The following EYS variants were observed in gnomAD, a reference collection of about 807,000 sequenced individuals.
The protein encoded by EYS is EGF-like photoreceptor maintenance factor.
EYS carries 250 observed loss-of-function variants against 282.1 expected under a neutral mutation model. The ratio of observed to expected loss-of-function variants is 0.89; its 90% confidence interval spans 0.80 to 0.98. The LOEUF is 0.98. Ranked by LOEUF, EYS falls within the 50% of genes least tolerant of loss-of-function variation. EYS has a pLI of 0.00. For missense variants in EYS, 4,016 were observed against 3,709.0 expected (o/e 1.08, Z -2.15); for synonymous variants, 1,355 against 1,282.9 (o/e 1.06, Z -1.20).
At chr6:64,059,852 T>C (rs1234813443) in intron 33 of EYS, among the ~76,000 whole-genome samples, 2 of 152,186 alleles carry the variant, frequency 1.3e-5, no homozygotes, top group African/African-American at 4.8e-5. Flanking sequence ...TTTAGCTTTA[T>C]ATATTTACAC....
chr6:63,975,406 T>G (rs766576131), intron 35 of EYS, among the ~76,000 whole-genome samples: 4 of 151,964 alleles, frequency 2.6e-5, no homozygotes, highest in Non-Finnish European at 5.9e-5. Context: ...ATCAGACAGA[T>G]TTAGATCAAA....
At chr6:65,467,625 T>A (rs1200326887) in intron 5 of EYS, among the ~76,000 whole-genome samples, 1 of 152,058 alleles carries the variant, frequency 6.6e-6, no homozygotes, top group East Asian at 1.9e-4. Context: ...TTTATGAGAT[T>A]TCATGAATTA....
At chr6:63,897,960 A>G (rs188998055) in intron 35 of EYS, among the ~76,000 whole-genome samples, 50 of 152,328 alleles carry the variant, frequency 3.3e-4, no homozygotes, top group African/African-American at 1.1e-3. Context: ...AGAGACATTA[A>G]TAAGATTATC....
intron 35 of EYS, among the ~76,000 whole-genome samples, chr6:63,948,597 T>G (rs1440182519): frequency 6.9e-6 from 1 of 145,406 alleles, no homozygotes; most frequent in East Asian, 2.0e-4. Context: ...CTCTCCCTGA[T>G]TTCCTTTCTC....
At chr6:64,395,491 A>G (rs1279129807) in intron 28 of EYS, among the ~76,000 whole-genome samples, 1 of 152,130 alleles carries the variant, frequency 6.6e-6, no homozygotes, top group Admixed American at 6.5e-5. Context: ...AGGGACATGG[A>G]TGAAATTGGA....
At chr6:65,682,578 G>A (rs1036079433) in intron 1 of EYS, among the ~76,000 whole-genome samples, 1 of 151,744 alleles carries the variant, frequency 6.6e-6, no homozygotes, top group African/African-American at 2.4e-5. Flanking sequence ...ATTTAATACA[G>A]TGTTCAACAA....
intron 29 of EYS, among the ~76,000 whole-genome samples, chr6:64,310,102 T>A (rs1176713899): frequency 1.4e-5 from 2 of 147,650 alleles, no homozygotes; most frequent in African/African-American, 5.1e-5. Context: ...GGCAAGATTG[T>A]GGAGAAAAAG....
chr6:65,475,982 A>G (rs547401100), intron 5 of EYS, among the ~76,000 whole-genome samples: 1 of 152,266 alleles, frequency 6.6e-6, no homozygotes, highest in African/African-American at 2.4e-5. Flanking sequence ...GATATTCTTC[A>G]TTATACAAGT....
chr6:65,128,732 G>A (rs2150201025), intron 12 of EYS, among the ~76,000 whole-genome samples: 1 of 152,034 alleles, frequency 6.6e-6, no homozygotes, highest in East Asian at 1.9e-4. Flanking sequence ...TAAGATGGCT[G>A]AACTGCCCAA....
chr6:64,609,099 C>CA (rs1380671640), intron 24 of EYS, among the ~76,000 whole-genome samples: 1 of 152,066 alleles, frequency 6.6e-6, no homozygotes, highest in Non-Finnish European at 1.5e-5. Flanking sequence ...ACAAATGTAC[C>CA]ACTCTGTCAT....
At chr6:63,812,903 T>G (rs1025302067) in intron 36 of EYS, among the ~76,000 whole-genome samples, 1 of 152,192 alleles carries the variant, frequency 6.6e-6, no homozygotes, top group Admixed American at 6.5e-5. Flanking sequence ...TCTTCTAGTG[T>G]GGGTAAAAAT....
intron 24 of EYS, among the ~76,000 whole-genome samples, chr6:64,606,251 CT>C (rs1766933860): frequency 6.6e-6 from 1 of 151,938 alleles, no homozygotes; most frequent in Admixed American, 6.6e-5. Flanking sequence ...ATTCACACTC[CT>C]TGAAAGTAAC....
intron 26 of EYS, among the ~76,000 whole-genome samples, chr6:64,450,805 G>C (rs565072654): frequency 1.3e-5 from 2 of 152,008 alleles, no homozygotes; most frequent in Admixed American, 6.6e-5. Context: ...TTCTTTGAAA[G>C]CAACGAGAAC....
chr6:65,533,904 T>C (rs969800558), intron 2 of EYS, among the ~76,000 whole-genome samples: 1 of 152,102 alleles, frequency 6.6e-6, no homozygotes, highest in African/African-American at 2.4e-5. Flanking sequence ...ATTGCCTTTG[T>C]CCGAGGTAGA....
At chr6:65,608,331 G>A (rs574362005) in intron 2 of EYS, among the ~76,000 whole-genome samples, 1 of 152,032 alleles carries the variant, frequency 6.6e-6, no homozygotes, top group East Asian at 1.9e-4. Flanking sequence ...CAGTTTAAAA[G>A]ACTTAAAATG....
intron 19 of EYS, among the ~76,000 whole-genome samples, chr6:64,871,723 C>T (rs867710044): frequency 1.1e-4 from 17 of 152,000 alleles, no homozygotes; most frequent in African/African-American, 3.9e-4. Context: ...AAACTCTGTA[C>T]AAATTTTGCA....
intron 22 of EYS, among the ~76,000 whole-genome samples, chr6:64,808,061 T>TTCCCTTTCTTTCCCTTCCCTTCC (rs1764490344): frequency 6.8e-6 from 1 of 147,740 alleles, no homozygotes; most frequent in Non-Finnish European, 1.5e-5. Flanking sequence ...TCTTCCCTTC[T>TTCCCTTTCTTTCCCTTCCCTTCC]TCCCTTTCTT....
At chr6:64,453,581 A>C (rs1232149599) in intron 26 of EYS, among the ~76,000 whole-genome samples, 1 of 152,204 alleles carries the variant, frequency 6.6e-6, no homozygotes, top group Non-Finnish European at 1.5e-5. Flanking sequence ...GGCACTATTC[A>C]CAATAGCAAA....
chr6:64,133,410 A>G (rs1486770248), intron 31 of EYS, among the ~76,000 whole-genome samples: 1 of 151,662 alleles, frequency 6.6e-6, no homozygotes, highest in African/African-American at 2.4e-5. Flanking sequence ...TTTTTGTTAC[A>G]CTAAGCTTGG....
Sources: gnomAD v4.1 joint callset for allele counts (sites outside exome capture counted in the v4.1 genomes callset) on GRCh38, gnomAD v4.1.1 for gene constraint, MANE v1.5 for transcripts, NCBI Gene and HGNC (gene_info 2026-07-23, HGNC 2026-07-21) for gene names.